Variants in SYN3 observed in about 807,000 individuals in gnomAD.
SYN3 encodes synapsin III.
In SYN3, 35 loss-of-function variants were observed where a neutral mutation model predicts 65.8. The observed-to-expected ratio is 0.53, with a 90% CI of 0.41 to 0.70. The LOEUF is 0.70. Ranked by LOEUF, SYN3 falls within the 30% of genes least tolerant of loss-of-function variation. SYN3 has a pLI of 0.00. For missense variants in SYN3, 680 were observed against 749.0 expected (o/e 0.91, Z 1.08); for synonymous variants, 270 against 292.9 (o/e 0.92, Z 0.80).
At chr22:32,964,107 A>G in intron 3 of SYN3, among the ~76,000 whole-genome samples, 1 of 152,222 alleles carries the variant, frequency 6.6e-6, no homozygotes, top group South Asian at 2.1e-4. Flanking sequence ...TTAGCTCACG[A>G]CATGAACCTC....
At chr22:32,976,947 C>A (rs1176412395) in intron 3 of SYN3, among the ~76,000 whole-genome samples, 1 of 151,882 alleles carries the variant, frequency 6.6e-6, no homozygotes, top group Admixed American at 6.6e-5. Context: ...ACAGTGGCTT[C>A]CGTCCTGAGA....
intron 6 of SYN3, among the ~76,000 whole-genome samples, chr22:32,803,338 G>A (rs894743819): frequency 5.3e-5 from 8 of 152,092 alleles, no homozygotes; most frequent in African/African-American, 1.9e-4. Context: ...AGGAGGGGGA[G>A]GAGGTAGGAG....
chr22:32,628,549 C>G (rs1035907530), intron 6 of SYN3, among the ~76,000 whole-genome samples: 1 of 152,126 alleles, frequency 6.6e-6, no homozygotes, highest in African/African-American at 2.4e-5. Context: ...GGGACTCCCA[C>G]AATTCCTCTG....
intron 6 of SYN3, among the ~76,000 whole-genome samples, chr22:32,812,363 A>G (rs1342394942): frequency 1.3e-5 from 2 of 152,220 alleles, no homozygotes; most frequent in East Asian, 3.9e-4. Flanking sequence ...GTGAGCTGAG[A>G]TACTTTATCA....
At chr22:32,697,578 T>C (rs977776669) in intron 6 of SYN3, among the ~76,000 whole-genome samples, 2 of 152,180 alleles carry the variant, frequency 1.3e-5, no homozygotes, top group African/African-American at 4.8e-5. Context: ...ATAGGCTAGG[T>C]TGGCTAGGTT....
At chr22:32,692,677 G>A (rs1317431630) in intron 6 of SYN3, among the ~76,000 whole-genome samples, 1 of 152,074 alleles carries the variant, frequency 6.6e-6, no homozygotes, top group Non-Finnish European at 1.5e-5. Context: ...TGTGTCACTC[G>A]CTCTTCTGAA....
intron 6 of SYN3, among the ~76,000 whole-genome samples, chr22:32,730,579 G>A (rs1034629407): frequency 9.9e-5 from 15 of 152,184 alleles, no homozygotes; most frequent in African/African-American, 3.6e-4. Context: ...CACTTTTACA[G>A]ACAATAATAT....
At chr22:32,634,484 G>A (rs2059787860) in intron 6 of SYN3, among the ~76,000 whole-genome samples, 1 of 152,180 alleles carries the variant, frequency 6.6e-6, no homozygotes, top group Non-Finnish European at 1.5e-5. Flanking sequence ...GACGGCATCC[G>A]TGAAAAGGAT....
intron 7 of SYN3, among the ~76,000 whole-genome samples, chr22:32,550,996 A>G (rs1408515805): frequency 6.6e-6 from 1 of 152,244 alleles, no homozygotes; most frequent in Non-Finnish European, 1.5e-5. Context: ...TTAATAACCA[A>G]TGACAAAAAG....
intron 4 of SYN3, among the ~76,000 whole-genome samples, chr22:32,897,584 G>A (rs1294327772): frequency 1.3e-5 from 2 of 152,200 alleles, no homozygotes; most frequent in African/African-American, 2.4e-5. Flanking sequence ...ATAGCTAGAT[G>A]ATCTAGGTTC....
At chr22:32,571,826 G>A (rs1056293407) in intron 7 of SYN3, among the ~76,000 whole-genome samples, 3 of 151,892 alleles carry the variant, frequency 2.0e-5, no homozygotes, top group Non-Finnish European at 4.4e-5. Flanking sequence ...GCTTTGTTTT[G>A]TTCACCACTG....
chr22:32,869,690 GTTTTT>G (rs748620876), intron 4 of SYN3, among the ~76,000 whole-genome samples: 1 of 114,926 alleles, frequency 8.7e-6, no homozygotes, highest in Non-Finnish European at 1.7e-5. Context: ...ACACATCTTG[GTTTTT>G]TTTTTTTTTT....
At chr22:32,651,564 TTGAATGAA>T (rs143229085) in intron 6 of SYN3, among the ~76,000 whole-genome samples, 1 of 150,960 alleles carries the variant, frequency 6.6e-6, no homozygotes, top group Non-Finnish European at 1.5e-5. Flanking sequence ...GGATGCATGC[TTGAATGAA>T]TGAATGAATG....
chr22:32,673,249 G>A (rs1420787565), intron 6 of SYN3, among the ~76,000 whole-genome samples: 1 of 152,148 alleles, frequency 6.6e-6, no homozygotes, highest in African/African-American at 2.4e-5. Flanking sequence ...GAGGGAAGAG[G>A]GGAGGTTCCC....
At chr22:32,741,707 T>C (rs950140529) in intron 6 of SYN3, among the ~76,000 whole-genome samples, 1 of 152,096 alleles carries the variant, frequency 6.6e-6, no homozygotes, top group African/African-American at 2.4e-5. Context: ...CCTTTCCTCA[T>C]AGGACAAGCT....
At chr22:32,563,961 G>A (rs528881377) in intron 7 of SYN3, among the ~76,000 whole-genome samples, 4 of 152,260 alleles carry the variant, frequency 2.6e-5, no homozygotes, top group Non-Finnish European at 4.4e-5. Flanking sequence ...GAGCCACTGC[G>A]CCCGGCCCCT....
At chr22:32,924,368 C>T (rs2050413618) in intron 4 of SYN3, among the ~76,000 whole-genome samples, 1 of 152,154 alleles carries the variant, frequency 6.6e-6, no homozygotes, top group African/African-American at 2.4e-5. Context: ...AGATTGTAAG[C>T]ACCATCCTGG....
At chr22:32,726,205 C>T (rs889422999) in intron 6 of SYN3, among the ~76,000 whole-genome samples, 3 of 151,870 alleles carry the variant, frequency 2.0e-5, no homozygotes, top group African/African-American at 7.3e-5. Context: ...TGCAGTGGCA[C>T]GATCTTGGCT....
At chr22:32,914,403 T>C (rs1404021143) in intron 4 of SYN3, among the ~76,000 whole-genome samples, 2 of 151,880 alleles carry the variant, frequency 1.3e-5, no homozygotes, top group African/African-American at 2.4e-5. Flanking sequence ...TCCCCATCTG[T>C]AATATGGGGA....
Sources: gnomAD v4.1 joint callset for allele counts (sites outside exome capture counted in the v4.1 genomes callset) on GRCh38, gnomAD v4.1.1 for gene constraint, MANE v1.5 for transcripts, NCBI Gene and HGNC (gene_info 2026-07-23, HGNC 2026-07-21) for gene names.